Variants in KLHL4 observed in about 807,000 individuals in gnomAD.
KLHL4 encodes the protein kelch like family member 4.
Under a neutral mutation model 45.8 loss-of-function variants are expected in KLHL4, and 17 were observed. That is an observed-to-expected ratio of 0.37 (90% CI 0.25 to 0.56). KLHL4 has a LOEUF of 0.56. Among genes scored for constraint, KLHL4 ranks in the 20% least tolerant of loss-of-function variants. The probability of loss-of-function intolerance (pLI) is 0.79; values close to 1 mark genes in which losing one functional copy is unlikely to be tolerated. For synonymous variants in KLHL4, 224 were observed against 189.9 expected (o/e 1.18, Z -1.47); for missense variants, 544 against 544.9 (o/e 1.00, Z 0.02).
At chrX:87,615,829 G>A (rs1283972789) in intron 3 of KLHL4, among the ~76,000 whole-genome samples, 1 of 110,958 alleles carries the variant, frequency 9.0e-6, no homozygotes, top group African/African-American at 3.3e-5. Context: ...GGAGGGAATT[G>A]GGAATGAATG....
At chrX:87,631,665 C>T (rs752837815) in intron 6 of KLHL4, among the ~76,000 whole-genome samples, 10 of 111,763 alleles carry the variant, frequency 8.9e-5, no homozygotes, top group South Asian at 3.8e-4. Context: ...GTGCATGCCA[C>T]GACACACAGC....
chrX:87,620,121 TAC>T (rs2147817131), intron 4 of KLHL4, among the ~76,000 whole-genome samples: 1 of 111,531 alleles, frequency 9.0e-6, no homozygotes, highest in East Asian at 2.8e-4. Flanking sequence ...ATTTAAATCA[TAC>T]AGATAGTTGT....
At chrX:87,527,587 ATCC>A (rs1480023578) in intron 1 of KLHL4, among the ~76,000 whole-genome samples, 1 of 110,914 alleles carries the variant, frequency 9.0e-6, no homozygotes, top group Non-Finnish European at 1.9e-5. Context: ...GCCCATGCCC[ATCC>A]TCATAGCCAG....
At position 87,530,355 on chromosome X, in the gene KLHL4, G is replaced by A. The variant is rs192064769; in HGVS notation, c.422+12040G>A. Among the ~76,000 whole-genome samples the A allele has an allele frequency of 5.1e-4, 54 of 105,352 alleles. No homozygotes were observed. In the East Asian group the frequency reaches 0.015, roughly 29 times the overall value. The allele number at this position is 105,352 out of a possible 115,157, so 91.5% of individuals were successfully genotyped here. On this transcript the variant is annotated intron_variant, in intron 1 of 10. Coordinates refer to ENST00000373119, the MANE Select transcript of KLHL4 (RefSeq NM_019117.5). Reference sequence around the variant, plus strand: ...TACATATGTATACATGTACCATGCTGGTGTGCTGCACCCACTAACTCGTCA... The same window carrying A: ...TACATATGTATACATGTACCATGCTAGTGTGCTGCACCCACTAACTCGTCA...
intron 9 of KLHL4, among the ~76,000 whole-genome samples, chrX:87,662,695 T>C (rs1368128760): frequency 7.2e-5 from 8 of 110,760 alleles, no homozygotes; most frequent in East Asian, 5.7e-4. Flanking sequence ...TTTGGGAGGC[T>C]GAGGCGGGCG....
intron 1 of KLHL4, among the ~76,000 whole-genome samples, chrX:87,581,684 C>T (rs373370826): frequency 8.9e-6 from 1 of 111,810 alleles, no homozygotes; most frequent in African/African-American, 3.3e-5. Context: ...ACAAAAAAAA[C>T]CAGAAAAACT....
chrX:87,666,321 C>T (rs768368108), intron 10 of KLHL4, among the ~76,000 whole-genome samples, 154 bp from the exon 11 acceptor site: 7 of 111,638 alleles, frequency 6.3e-5, no homozygotes, highest in African/African-American at 2.3e-4. Context: ...CAGCACACTA[C>T]ACTGTTTTCT....
At chrX:87,637,331 C>G (rs765355253) in intron 9 of KLHL4, among the ~76,000 whole-genome samples, 1 of 111,954 alleles carries the variant, frequency 8.9e-6, no homozygotes, top group East Asian at 2.8e-4. Context: ...AGAATCTGAA[C>G]AGCAGCCCTT....
rs768122897 is a variant in KLHL4, at chrX:87,525,712, G to A, written c.422+7397G>A. On this transcript the variant is annotated intron_variant, in intron 1 of 10. Coordinates refer to ENST00000373119, the MANE Select transcript of KLHL4 (RefSeq NM_019117.5). ...AGGTTTACTCTGGAAACACTATAAC[G>A]TATGTATTTTCTAAATCAATACATA... Among the ~76,000 whole-genome samples the A allele has an allele frequency of 4.5e-5, 5 of 111,468 alleles. No homozygotes were observed. In the Admixed American group the frequency reaches 4.8e-4, roughly 11 times the overall value.
intron 3 of KLHL4, among the ~76,000 whole-genome samples, chrX:87,616,530 T>G (rs1022906025): frequency 3.6e-5 from 4 of 111,761 alleles, no homozygotes; most frequent in African/African-American, 1.3e-4. Context: ...GATAAGATAA[T>G]TCAGCCAGCT....
Position 87,517,806 on chromosome X carries a change from G to A in KLHL4, c.-88G>A. 1.0e-6 allele frequency: 1 copy of A among 1,000,580 alleles called. No individual in the cohort carries two copies. Among genetic ancestry groups the A allele is most frequent in the Non-Finnish European group, 1.4e-6 (1 of 733,180 alleles). 82.5% of individuals were successfully genotyped at this position (1,000,580 alleles called of 1,213,427 possible). On this transcript the variant is annotated 5_prime_UTR_variant, in exon 1 of 11. Transcript: ENST00000373119. ...GCTCTCGGCACTTGTGCTTTTGTTA[G>A]TTCTACAGAAGAGGCAGAAAAACAA...
chrX:87,632,281 A>C lies in KLHL4; in HGVS notation c.1396A>C (p.Arg466=). The change falls in exon 7 of 11, where the codon AGG becomes CGG. Residue 466 remains arginine, a synonymous_variant. Coordinates refer to ENST00000373119, the MANE Select transcript of KLHL4 (RefSeq NM_019117.5). The part of the protein sequence containing the change: ...WLHIGTMNGR[R]LQFGVAVIDN... ...ACATATTGGCACCATGAATGGCCGTAGGCTTCAATTTGGAGTCGCAGTTAT... is the reference window on the plus strand; with the variant it reads ...ACATATTGGCACCATGAATGGCCGTCGGCTTCAATTTGGAGTCGCAGTTAT... The C allele has an allele frequency of 8.3e-7, 1 of 1,209,738 alleles. No homozygotes were observed. The highest frequency in any genetic ancestry group is 2.2e-5 in the Admixed American group (1 of 45,989).
chrX:87,663,802 A>C (rs1414761980), intron 9 of KLHL4, among the ~76,000 whole-genome samples: 1 of 112,251 alleles, frequency 8.9e-6, no homozygotes, highest in African/African-American at 3.2e-5. Context: ...TAATATTTTT[A>C]AAATTGTAGA....
At chrX:87,630,063 A>G (rs1199809080) in intron 6 of KLHL4, among the ~76,000 whole-genome samples, 2 of 111,702 alleles carry the variant, frequency 1.8e-5, no homozygotes, top group Non-Finnish European at 3.8e-5. Flanking sequence ...AAAATCTTGG[A>G]ACACAAATAC....
chrX:87,551,583 A>ATAGG (rs1335588710), intron 1 of KLHL4, among the ~76,000 whole-genome samples: 5 of 108,349 alleles, frequency 4.6e-5, no homozygotes, highest in Admixed American at 1.0e-4. Context: ...AGATAAATAG[A>ATAGG]TAGGTAGATA....
chrX:87,523,961 T>C (rs1316110423), intron 1 of KLHL4, among the ~76,000 whole-genome samples: 1 of 110,403 alleles, frequency 9.1e-6, no homozygotes, highest in African/African-American at 3.3e-5. Flanking sequence ...AAACTCCGTC[T>C]CAAAAAAATA....
At chrX:87,597,244 T>A (rs1422498898) in intron 1 of KLHL4, among the ~76,000 whole-genome samples, 2 of 111,568 alleles carry the variant, frequency 1.8e-5, no homozygotes, top group Non-Finnish European at 3.8e-5. Context: ...CACTCACTGT[T>A]AAGTGTGATT....
intron 9 of KLHL4, among the ~76,000 whole-genome samples, chrX:87,643,217 A>G (rs1361852246): frequency 8.9e-6 from 1 of 111,854 alleles, no homozygotes; most frequent in Non-Finnish European, 1.9e-5. Flanking sequence ...TAACCTCACT[A>G]AGAATTGCAA....
intron 1 of KLHL4, among the ~76,000 whole-genome samples, chrX:87,556,554 T>C: frequency 9.1e-6 from 1 of 109,849 alleles, no homozygotes; most frequent in East Asian, 2.9e-4. Context: ...GGGATAGCTT[T>C]AGGAGATATA....
Sources: allele counts gnomAD v4.1 joint callset (sites outside exome capture counted in the v4.1 genomes callset), GRCh38; gene constraint gnomAD v4.1.1; transcripts MANE v1.5; gene names NCBI Gene and HGNC (gene_info 2026-07-23, HGNC 2026-07-21).